Variants in CHRNA3 observed in about 807,000 individuals in gnomAD.
CHRNA3 encodes cholinergic receptor nicotinic alpha 3 subunit.
Under a neutral mutation model 41.9 loss-of-function variants are expected in CHRNA3, and 34 were observed. The ratio of observed to expected loss-of-function variants is 0.81; its 90% CI spans 0.62 to 1.08. CHRNA3 has a LOEUF of 1.08. Among genes scored for constraint, CHRNA3 ranks in the 50% least tolerant of loss-of-function variants. CHRNA3 has a pLI of 0.00. For synonymous variants in CHRNA3, 281 were observed against 265.2 expected (o/e 1.06, Z -0.58); for missense variants, 542 against 638.3 (o/e 0.85, Z 1.63).
rs143528994 is a variant in CHRNA3, at chr15:78,614,137, C to T, written c.377+2887G>A. ...ACAGCCAATTTGCAACATTTTGCTACGCCTCTCATTATTGCTAAAATCATA... is the reference window on the plus strand; with the variant it reads ...ACAGCCAATTTGCAACATTTTGCTATGCCTCTCATTATTGCTAAAATCATA... On this transcript the variant is annotated intron_variant, in intron 4 of 5. Transcript: ENST00000326828. 1.3e-3 allele frequency among the ~76,000 whole-genome samples: 193 copies of T among 152,298 alleles called. 1 individual carries two copies. The highest frequency in any genetic ancestry group is 3.4e-3 in the Middle Eastern group (1 of 294).
chr15:78,602,279 A>T lies in CHRNA3; in HGVS notation c.378-15T>A. 1 of 1,609,190 alleles carries T rather than the reference A, an allele frequency of 6.2e-7. No individual in the cohort carries two copies. Among genetic ancestry groups the T allele is most frequent in the East Asian group, 2.2e-5 (1 of 44,812 alleles). ...CCCCAACAGCACTGCAAAGACAAAG[A>T]GGGGGCACAGTGACACACGGTCATT... On this transcript the variant is annotated splice_polypyrimidine_tract_variant and intron_variant, in intron 4 of 5. Coordinates refer to ENST00000326828, the MANE Select transcript of CHRNA3 (RefSeq NM_000743.5).
At chr15:78,604,588 G>A (rs1442345589) in intron 4 of CHRNA3, among the ~76,000 whole-genome samples, 2 of 152,192 alleles carry the variant, frequency 1.3e-5, no homozygotes, top group Non-Finnish European at 2.9e-5. Context: ...GCTGCCTGGG[G>A]CAGTGTCAAC....
chr15:78,605,530 C>A (rs1396419827), intron 4 of CHRNA3, among the ~76,000 whole-genome samples: 1 of 152,142 alleles, frequency 6.6e-6, no homozygotes, highest in South Asian at 2.1e-4. Flanking sequence ...CCACTCTGCA[C>A]TGAATCCTCA....
In CHRNA3 at chr15:78,617,137, G is replaced by C. The variant is rs75033606; in HGVS notation, c.268-4C>G. ...TCAGCTTGTAGTCATTCCAGATCTC[G>C]GGGAAGGAAGCAGGGAGGGAGAAGG... On this transcript the variant is annotated splice_polypyrimidine_tract_variant and splice_region_variant and intron_variant, in intron 3 of 5. Coordinates refer to ENST00000326828, the MANE Select transcript of CHRNA3 (RefSeq NM_000743.5). 2.8e-5 allele frequency: 45 copies of C among 1,591,354 alleles called. No homozygotes were observed. In the East Asian group the frequency reaches 4.9e-4, roughly 17 times the overall value.
rs1204555209 is a variant in CHRNA3 at position 78,601,291 on chromosome 15, T to C, written c.1351A>G (p.Ile451Val). The change falls in exon 5 of 6, where the codon ATT becomes GTT. Residue 451 changes from isoleucine to valine, a missense_variant. By Grantham distance (29) the Ile-to-Val change is conservative (BLOSUM62 3). Transcript: ENST00000326828. ...TTTTGTGCTTTCATATTTTCAGCAA[T>C]ATACTTGACACTTTGGATGGCTTCT... ...IKEAIQSVKYIAENMKAQNEA... is the reference protein window; with the variant it reads ...IKEAIQSVKYVAENMKAQNEA... 1.2e-6 allele frequency: 2 copies of C among 1,614,156 alleles called. No individual in the cohort carries two copies. Among genetic ancestry groups the C allele is most frequent in the Non-Finnish European group, 1.7e-6 (2 of 1,180,002 alleles).
At chr15:78,593,368 A>C (rs2053043554), downstream of CHRNA3, 1 of 1,063,084 alleles carries the variant, frequency 9.4e-7, no homozygotes. Flanking sequence ...TTAACAGACT[A>C]AGTTGCTAAC....
Position 78,601,687 on chromosome 15 carries a change from T to C in CHRNA3, c.955A>G (p.Ile319Val), listed in dbSNP as rs1200230901. The change falls in exon 5 of 6, where the codon ATC becomes GTC. Residue 319 changes from isoleucine to valine, a missense_variant. Ile to Val is a conservative substitution (Grantham distance 29). Transcript: ENST00000326828. ...TTGAGCACGAAGACGGTGATGACGA[T>C]GGACAAGGTTACAAAAATCATGGTG... ...LFTMIFVTLS[I>V]VITVFVLNVH... 2 of 1,614,124 alleles carry C rather than the reference T, an allele frequency of 1.2e-6. No homozygotes were observed. The highest frequency in any genetic ancestry group is 1.7e-6 in the Non-Finnish European group (2 of 1,180,028).
At chr15:78,609,143 G>T (rs899341458) in intron 4 of CHRNA3, among the ~76,000 whole-genome samples, 4 of 152,124 alleles carry the variant, frequency 2.6e-5, no homozygotes, top group African/African-American at 9.7e-5. Flanking sequence ...AACCAAGTTG[G>T]AAAACACTCT....
chr15:78,605,755 C>G (rs1029274379), intron 4 of CHRNA3, among the ~76,000 whole-genome samples: 1 of 152,152 alleles, frequency 6.6e-6, no homozygotes, highest in Non-Finnish European at 1.5e-5. Context: ...CCAAACTCAA[C>G]AGGGTAAGAA....
intron 4 of CHRNA3, among the ~76,000 whole-genome samples, chr15:78,616,466 C>CA (rs1409420436): frequency 6.6e-6 from 1 of 151,750 alleles, no homozygotes; most frequent in Non-Finnish European, 1.5e-5. Flanking sequence ...CCAACACCCT[C>CA]ATTCTCTTTC....
At position 78,620,982 on chromosome 15, in the gene CHRNA3, G is replaced by C; in HGVS notation, c.-188C>G. ...GCGCCCTCGGACCCGCGGGAGGACA[G>C]GAACCATCCGGAGTGAAGCTGCGCC... is the stretch of plus-strand genomic sequence containing the variant. On this transcript the variant is annotated 5_prime_UTR_variant, in exon 1 of 6. Transcript: ENST00000326828. The C allele has an allele frequency of 1.4e-6, 1 of 701,020 alleles. No individual in the cohort carries two copies. The highest frequency in any genetic ancestry group is 1.9e-6 in the Non-Finnish European group (1 of 515,848). The allele number at this position is 701,020 out of a possible 1,614,324, so 43.4% of individuals were successfully genotyped here. A position where few individuals can be genotyped will look rare whatever the true frequency, so the allele number is the denominator to read the frequency against.
At chr15:78,608,063 C>T (rs768464525) in intron 4 of CHRNA3, among the ~76,000 whole-genome samples, 2 of 152,246 alleles carry the variant, frequency 1.3e-5, no homozygotes, top group East Asian at 3.9e-4. Flanking sequence ...GTAAACAAAG[C>T]AGCCGGGAAG....
At position 78,601,556 on chromosome 15, in the gene CHRNA3, G is replaced by A. The variant is rs201180674; in HGVS notation, c.1086C>T (p.Asn362=). Residue 362 remains asparagine (N), a synonymous_variant, in exon 5 of 6, where the codon AAC becomes AAT. Coordinates refer to ENST00000326828, the MANE Select transcript of CHRNA3 (RefSeq NM_000743.5). ...RVMFMTRPTS[N]EGNAQKPRPL... ...GCCTCGGCTTCTGAGCGTTGCCCTC[G>A]TTGCTTGTTGGCCTGGTCATGAACA... The A allele has an allele frequency of 5.9e-5, 95 of 1,614,010 alleles. No homozygotes were observed. The highest frequency in any genetic ancestry group is 7.5e-5 in the Non-Finnish European group (88 of 1,180,034).
At position 78,595,360 on chromosome 15, in the gene CHRNA3, T is replaced by TCAAA. The variant is rs202120373; in HGVS notation, c.*1240_*1243dup. On this transcript the variant is annotated 3_prime_UTR_variant, in exon 6 of 6. Transcript: ENST00000326828. ...ACAGGAAAAACTAGTGAGACAAGATTCAAACAGTCTCTGTGAATCATCTGT... is the reference window on the plus strand; with the variant it reads ...ACAGGAAAAACTAGTGAGACAAGATTCAAACAAACAGTCTCTGTGAATCATCTGT... 1.3e-3 allele frequency: 1,158 copies of TCAAA among 899,304 alleles called. 10 individuals are homozygous for TCAAA. The African/African-American group carries it at 0.033, about 26-fold the overall frequency. The allele number at this position is 899,304 out of a possible 1,614,324, so 55.7% of individuals were successfully genotyped here.
At chr15:78,616,367 C>CCA (rs1555419344) in intron 4 of CHRNA3, among the ~76,000 whole-genome samples, 1 of 134,832 alleles carries the variant, frequency 7.4e-6, no homozygotes, top group East Asian at 2.9e-4. Context: ...CCCACCCCCC[C>CCA]AAAAAAAAAG....
intron 3 of CHRNA3, 114 bp downstream of exon 3, chr15:78,618,503 T>C: frequency 1.7e-6 from 2 of 1,209,154 alleles, no homozygotes; most frequent in African/African-American, 1.5e-5. Context: ...TGGACCCCAA[T>C]CTGGGTTCCA....
Position 78,595,790 on chromosome 15 carries a change from C to T in CHRNA3, c.*814G>A, listed in dbSNP as rs1415890030. ...GTGGGGCCTTGGAAAGGTGATTAGG[C>T]CATGGGGGCTCTGCTCTCATGAATG... On this transcript the variant is annotated 3_prime_UTR_variant, in exon 6 of 6. Transcript: ENST00000326828. 1 of 152,490 alleles carries T rather than the reference C, an allele frequency of 6.6e-6. No individual in the cohort carries two copies. The highest frequency in any genetic ancestry group is 6.6e-5 in the Admixed American group (1 of 15,264). 9.4% of individuals were successfully genotyped at this position (152,490 alleles called of 1,614,324 possible). A position where few individuals can be genotyped will look rare whatever the true frequency, so the allele number is the denominator to read the frequency against.
At chr15:78,617,890 G>A (rs369322223) in intron 3 of CHRNA3, among the ~76,000 whole-genome samples, 2 of 152,298 alleles carry the variant, frequency 1.3e-5, no homozygotes, top group African/African-American at 2.4e-5. Context: ...TCTTGGCCTC[G>A]ATCTGAACAG....
intron 4 of CHRNA3, among the ~76,000 whole-genome samples, chr15:78,609,716 T>C: frequency 6.6e-6 from 1 of 152,074 alleles, no homozygotes; most frequent in Non-Finnish European, 1.5e-5. Flanking sequence ...AGGACCAAAT[T>C]CACACATAAC....
Sources: allele counts gnomAD v4.1 joint callset (sites outside exome capture counted in the v4.1 genomes callset), GRCh38; gene constraint gnomAD v4.1.1; transcripts MANE v1.5; gene names NCBI Gene and HGNC (gene_info 2026-07-23, HGNC 2026-07-21).